KDM4D: variants seen among roughly 807,000 people sequenced by gnomAD.
The protein encoded by KDM4D is lysine demethylase 4D.
For synonymous variants in KDM4D, 254 were observed against 249.1 expected, an observed-to-expected ratio of 1.02 and a Z score of -0.19; for missense variants, 427 against 674.8, an observed-to-expected ratio of 0.63 and a Z score of 4.07.
intron 2 of KDM4D, among the ~76,000 whole-genome samples, chr11:94,995,283 A>G (rs1207776012): frequency 2.0e-5 from 3 of 152,304 alleles, no homozygotes; most frequent in East Asian, 3.9e-4. Context: ...TGGGATAATG[A>G]TAGTACCAAC....
intron 2 of KDM4D, among the ~76,000 whole-genome samples, chr11:94,977,079 C>A (rs1204643588): frequency 6.6e-6 from 1 of 151,916 alleles, no homozygotes; most frequent in Non-Finnish European, 1.5e-5. Context: ...CACAAATTAC[C>A]CAATTAAAAA....
Position 94,998,964 on chromosome 11 carries a change from A to G in KDM4D, c.*20A>G. 1.0e-5 allele frequency: 15 copies of G among 1,501,236 alleles called. No individual in the cohort carries two copies. Among genetic ancestry groups the G allele is most frequent in the Non-Finnish European group, 1.3e-5 (15 of 1,124,694 alleles). 93.0% of individuals were successfully genotyped at this position (1,501,236 alleles called of 1,614,324 possible). ...CCCTAAGTCCACGGGCTGTCTTTAT[A>G]TCCCACTGCCCTGCTGTGTGACAGT... On this transcript the variant is annotated 3_prime_UTR_variant, in exon 3 of 3. Coordinates refer to ENST00000335080, the MANE Select transcript of KDM4D (RefSeq NM_018039.3). The surrounding 1 kb of genome is among the most constrained non-coding windows in gnomAD (Gnocchi z 6.7).
In KDM4D at chr11:94,997,345, T is replaced by C; in HGVS notation, c.-28T>C. 1 of 1,547,848 alleles carries C rather than the reference T, an allele frequency of 6.5e-7. No individual in the cohort carries two copies. On this transcript the variant is annotated 5_prime_UTR_variant, in exon 3 of 3. Coordinates refer to ENST00000335080, the MANE Select transcript of KDM4D (RefSeq NM_018039.3). Reference sequence around the variant, plus strand: ...CATTGTCAACTATCTAGAACATACCTAAAAACTAAGAGTTTACTGCTTATT... The same window carrying C: ...CATTGTCAACTATCTAGAACATACCCAAAAACTAAGAGTTTACTGCTTATT...
chr11:94,992,220 C>T (rs1426530080), intron 2 of KDM4D, among the ~76,000 whole-genome samples: 3 of 151,652 alleles, frequency 2.0e-5, no homozygotes, highest in Admixed American at 2.0e-4. Flanking sequence ...AAGTCAAAAA[C>T]ATTTTTGTTA....
intron 2 of KDM4D, among the ~76,000 whole-genome samples, chr11:94,988,662 G>C (rs1857908991): frequency 6.6e-6 from 1 of 152,148 alleles, no homozygotes; most frequent in Admixed American, 6.5e-5. Context: ...GGATATATAG[G>C]AATATCTAAC....
At chr11:94,975,394 T>G (rs1443808706) in intron 1 of KDM4D, among the ~76,000 whole-genome samples, 1 of 152,216 alleles carries the variant, frequency 6.6e-6, no homozygotes, top group African/African-American at 2.4e-5. Context: ...CCCATTTTTG[T>G]TCTAAATTCC....
chr11:94,996,140 T>C (rs1376500106), intron 2 of KDM4D, among the ~76,000 whole-genome samples: 1 of 152,238 alleles, frequency 6.6e-6, no homozygotes, highest in Admixed American at 6.5e-5. Flanking sequence ...TTATTTTCAG[T>C]CGTTCTTTCT....
At chr11:94,989,156 T>G (rs149318060) in intron 2 of KDM4D, among the ~76,000 whole-genome samples, 96 of 152,314 alleles carry the variant, frequency 6.3e-4, no homozygotes, top group African/African-American at 2.2e-3. Flanking sequence ...AAAGAAAAAT[T>G]TATACATGTA....
intron 2 of KDM4D, among the ~76,000 whole-genome samples, chr11:94,995,652 G>T (rs930474400): frequency 4.6e-5 from 7 of 152,118 alleles, no homozygotes; most frequent in Admixed American, 4.6e-4. Flanking sequence ...GTTAAAAACT[G>T]CCCCTAGTTT....
intron 2 of KDM4D, among the ~76,000 whole-genome samples, chr11:94,980,235 T>A (rs1857832509): frequency 6.6e-6 from 1 of 152,192 alleles, no homozygotes; most frequent in African/African-American, 2.4e-5. Context: ...GAAGTCATAA[T>A]GATATTCTCA....
chr11:94,998,374 C>G lies in KDM4D; in HGVS notation c.1002C>G (p.Asp334Glu). ...GCATCCTGCAACCTGAACGCTATGA[C>G]CTGTGGAAACGTGGGCAAGACCGGG... ...FVRILQPERY[D>E]LWKRGQDRAV... The change falls in exon 3 of 3, where the codon GAC (aspartate) becomes GAG (glutamate). Residue 334 changes from aspartate to glutamate, a missense_variant. Asp to Glu is a conservative substitution (Grantham distance 45). Coordinates refer to ENST00000335080, the MANE Select transcript of KDM4D (RefSeq NM_018039.3). This position sits in a 1 kb window ranked among gnomAD's most constrained non-coding sequence, Gnocchi z 6.7. 1.2e-6 allele frequency: 2 copies of G among 1,614,186 alleles called. No individual in the cohort carries two copies. Among genetic ancestry groups the G allele is most frequent in the Non-Finnish European group, 1.7e-6 (2 of 1,180,034 alleles).
chr11:94,979,183 C>G (rs1555097314), intron 2 of KDM4D, among the ~76,000 whole-genome samples: 1 of 151,650 alleles, frequency 6.6e-6, no homozygotes, highest in Non-Finnish European at 1.5e-5. Flanking sequence ...AGTATAAAGC[C>G]CTCCCCAAAT....
chr11:94,998,609 G>A lies in KDM4D; in HGVS notation c.1237G>A (p.Gly413Ser), dbSNP rs141322656. 4 of 1,614,116 alleles carry A rather than the reference G, an allele frequency of 2.5e-6. No homozygotes were observed. Among genetic ancestry groups the A allele is most frequent in the Non-Finnish European group, 3.4e-6 (4 of 1,180,036 alleles). Residue 413 changes from glycine to serine, a missense_variant, in exon 3 of 3, where the codon GGC becomes AGC. By Grantham distance (56) the Gly-to-Ser change is moderately conservative (BLOSUM62 0). Transcript: ENST00000335080. This position sits in a 1 kb window ranked among gnomAD's most constrained non-coding sequence, Gnocchi z 6.7. ...ACTCCCACGCCGATCTGCAGTTAGT[G>A]GCACTGCTACGCAGCCCCGGGCTGC... The part of the protein sequence containing the change: ...SSLPRRSAVS[G>S]TATQPRAAAV...
At chr11:94,982,182 G>A (rs1857847303) in intron 2 of KDM4D, among the ~76,000 whole-genome samples, 1 of 151,708 alleles carries the variant, frequency 6.6e-6, no homozygotes, top group Non-Finnish European at 1.5e-5. Flanking sequence ...TATTCTGACT[G>A]TTCTCAACCG....
rs1555098230 is a variant in KDM4D, at chr11:94,987,467, A to G, written c.-349-9557A>G. On this transcript the variant is annotated intron_variant, in intron 2 of 2. Transcript: ENST00000335080. ...CCCCAATATCAAAGGAGATAAACAT[A>G]TAAATGTAGAGTCTTTTCATTATAG... Among the ~76,000 whole-genome samples, 8 of 152,224 alleles carry G rather than the reference A, an allele frequency of 5.3e-5. No individual in the cohort carries two copies. The South Asian group carries it at 1.7e-3, about 31-fold the overall frequency.
At chr11:94,978,840 T>C (rs1555097270) in intron 2 of KDM4D, among the ~76,000 whole-genome samples, 1 of 152,218 alleles carries the variant, frequency 6.6e-6, no homozygotes, top group African/African-American at 2.4e-5. Context: ...AAGAAGTGCA[T>C]GTATTATATT....
At chr11:94,995,743 G>C (rs1321021816) in intron 2 of KDM4D, among the ~76,000 whole-genome samples, 10 of 152,224 alleles carry the variant, frequency 6.6e-5, no homozygotes, top group Non-Finnish European at 5.9e-5. Flanking sequence ...ACTAAATAGA[G>C]AAATCTAGCC....
In KDM4D at chr11:94,997,352, TAA is replaced by T; in HGVS notation, c.-20_-19del. On this transcript the variant is annotated 5_prime_UTR_variant, in exon 3 of 3. Transcript: ENST00000335080. Reference sequence around the variant, plus strand: ...AACTATCTAGAACATACCTAAAAACTAAGAGTTTACTGCTTATTAAATGGAAA... The same window carrying T: ...AACTATCTAGAACATACCTAAAAACTGAGTTTACTGCTTATTAAATGGAAA... 6.4e-7 allele frequency: 1 copy of T among 1,557,042 alleles called. No homozygotes were observed. The highest frequency in any genetic ancestry group is 8.6e-7 in the Non-Finnish European group (1 of 1,156,482).
chr11:94,978,257 A>G (rs1181654442), intron 2 of KDM4D, among the ~76,000 whole-genome samples: 5 of 152,124 alleles, frequency 3.3e-5, no homozygotes, highest in Admixed American at 6.5e-5. Context: ...AAATGTGAAC[A>G]TTTTGCTTAA....
Sources: allele counts gnomAD v4.1 joint callset (sites outside exome capture counted in the v4.1 genomes callset), GRCh38; gene constraint gnomAD v4.1.1; non-coding constraint Gnocchi (gnomAD v3.1); transcripts MANE v1.5; gene names NCBI Gene and HGNC (gene_info 2026-07-23, HGNC 2026-07-21).